The following SHANK2 variants were observed in gnomAD, a reference collection of about 807,000 sequenced individuals.
The protein encoded by SHANK2 is SH3 and multiple ankyrin repeat domains protein 2.
A neutral mutation model predicts 133.7 loss-of-function variants in SHANK2; 43 were observed. That is an observed-to-expected ratio of 0.32 (90% CI 0.25 to 0.41). The LOEUF is 0.41. SHANK2 is among the 10% of genes least tolerant of loss of function. The pLI, the probability that SHANK2 is intolerant of heterozygous loss-of-function variation, is 1.00. For missense variants in SHANK2, 1,994 were observed against 2,235.8 expected (o/e 0.89, Z 2.18); for synonymous variants, 1,017 against 952.8 (o/e 1.07, Z -1.24).
At chr11:70,638,248 G>A (rs1157179880) in intron 17 of SHANK2, among the ~76,000 whole-genome samples, 1 of 152,262 alleles carries the variant, frequency 6.6e-6, no homozygotes, top group African/African-American at 2.4e-5. Flanking sequence ...CCGGCTTGAA[G>A]AATGTGCTGC....
rs576248513 is a variant in SHANK2, at chr11:70,929,661, C to A, written c.1108-33094G>T. ...CCCTCTGCCTTCCTCTTATAAGGAC[C>A]CTTGTGATAACATGGGCCTGACTCA... On this transcript the variant is annotated intron_variant, in intron 10 of 25. Transcript: ENST00000601538. 5.3e-5 allele frequency among the ~76,000 whole-genome samples: 8 copies of A among 152,248 alleles called. No homozygotes were observed. In the East Asian group the frequency reaches 1.5e-3, roughly 29 times the overall value.
chr11:70,547,423 G>A (rs1463977991), intron 17 of SHANK2, among the ~76,000 whole-genome samples: 1 of 152,084 alleles, frequency 6.6e-6, no homozygotes, highest in Non-Finnish European at 1.5e-5. Flanking sequence ...ACCACACCTG[G>A]CTAATTTTTG....
chr11:70,881,421 A>C (rs1949657664), intron 11 of SHANK2, among the ~76,000 whole-genome samples: 1 of 151,926 alleles, frequency 6.6e-6, no homozygotes, highest in African/African-American at 2.4e-5. Context: ...ATCTTAAAAC[A>C]ATGGCTAATG....
chr11:70,934,239 A>C (rs542170883), intron 10 of SHANK2, among the ~76,000 whole-genome samples: 1,708 of 109,130 alleles, frequency 0.016, 31 homozygotes, highest in African/African-American at 0.04. Flanking sequence ...CTCAACAACA[A>C]CACCACCAAA....
At chr11:71,229,298 A>G (rs1954696983) in intron 1 of SHANK2, among the ~76,000 whole-genome samples, 1 of 152,242 alleles carries the variant, frequency 6.6e-6, no homozygotes, top group East Asian at 1.9e-4. Context: ...CTATTTGCAC[A>G]CAGCATGAAA....
At chr11:70,632,294 T>C (rs1266947421) in intron 17 of SHANK2, among the ~76,000 whole-genome samples, 1 of 152,006 alleles carries the variant, frequency 6.6e-6, no homozygotes, top group Non-Finnish European at 1.5e-5. Flanking sequence ...GCTAATTTTT[T>C]TTTTGTATTT....
chr11:71,091,636 C>CCTGCA (rs1233025504), intron 8 of SHANK2, among the ~76,000 whole-genome samples: 5 of 152,176 alleles, frequency 3.3e-5, no homozygotes, highest in African/African-American at 9.6e-5. Flanking sequence ...TGGCCTGCAG[C>CCTGCA]CTGCACCACA....
intron 3 of SHANK2, among the ~76,000 whole-genome samples, chr11:71,144,088 G>T (rs58093994): frequency 0.22 from 33,447 of 152,094 alleles, 3,943 homozygotes; most frequent in South Asian, 0.3. Context: ...CAGTGACCCC[G>T]GCAAGAGAGA....
chr11:70,903,391 TAAATA>T (rs61298155), intron 10 of SHANK2, among the ~76,000 whole-genome samples: 50,519 of 125,462 alleles, frequency 0.4, 11,390 homozygotes, highest in Admixed American at 0.5. Context: ...TAAAATAAAG[TAAATA>T]AAATAAAATA....
intron 17 of SHANK2, 57 bp downstream of exon 17, chr11:70,659,771 C>A: frequency 6.2e-7 from 1 of 1,611,736 alleles, no homozygotes; most frequent in Middle Eastern, 1.7e-4. Context: ...CTACGACCCT[C>A]TCCCCGAGAG....
intron 17 of SHANK2, among the ~76,000 whole-genome samples, chr11:70,552,758 G>A (rs77733846): frequency 0.025 from 3,831 of 152,202 alleles, 157 homozygotes; most frequent in African/African-American, 0.088. Context: ...GCATCGGGAC[G>A]TTTTCCTTAC....
rs531436666 is a variant in SHANK2 at position 70,827,848 on chromosome 11, G to A, written c.1175-7166C>T. 1.1e-4 allele frequency among the ~76,000 whole-genome samples: 16 copies of A among 152,140 alleles called. 1 individual carries two copies. In the South Asian group the frequency reaches 3.3e-3, roughly 32 times the overall value. On this transcript the variant is annotated intron_variant, in intron 11 of 25. Transcript: ENST00000601538. ...CGGTGTGAGAACAAGAAGGCTGGGG[G>A]CCCCCCAGGAGCCTTTCCCTGAAGG... is the stretch of plus-strand genomic sequence containing the variant.
chr11:70,761,493 C>T (rs914438600), intron 14 of SHANK2, among the ~76,000 whole-genome samples: 8 of 152,336 alleles, frequency 5.3e-5, no homozygotes, highest in Admixed American at 1.3e-4. Context: ...ACCATGTCTG[C>T]GTGGGATGAT....
rs1555152619 is a variant in SHANK2, at chr11:70,485,270, A to T, written c.4979+44T>A. The T allele has an allele frequency of 3.3e-6, 5 of 1,526,750 alleles. No individual in the cohort carries two copies. The highest frequency in any genetic ancestry group is 4.5e-6 in the Non-Finnish European group (5 of 1,103,844). The allele number at this position is 1,526,750 out of a possible 1,614,324, so 94.6% of individuals were successfully genotyped here. On this transcript the variant is annotated intron_variant, in intron 25 of 25. Transcript: ENST00000601538. The surrounding 1 kb of genome is among the most constrained non-coding windows in gnomAD (Gnocchi z 5.8). ...AGGGCCTTTCCTGGTCAGCAGGGACAGTGCACGCAGAGCGGTGTGCATGTG... is the reference window on the plus strand; with the variant it reads ...AGGGCCTTTCCTGGTCAGCAGGGACTGTGCACGCAGAGCGGTGTGCATGTG...
chr11:71,206,373 TC>T (rs1954127120), intron 2 of SHANK2, among the ~76,000 whole-genome samples: 1 of 152,090 alleles, frequency 6.6e-6, no homozygotes, highest in Admixed American at 6.5e-5. Flanking sequence ...AGCCAACTCT[TC>T]CCTCTGAAAA....
chr11:71,070,518 C>T (rs1951129135), intron 9 of SHANK2, among the ~76,000 whole-genome samples: 1 of 152,104 alleles, frequency 6.6e-6, no homozygotes, highest in Non-Finnish European at 1.5e-5. Flanking sequence ...TGGGAGAGCT[C>T]TCCATACTAC....
chr11:70,702,553 CCAT>C (rs566894374), intron 14 of SHANK2, among the ~76,000 whole-genome samples: 30 of 152,268 alleles, frequency 2.0e-4, no homozygotes, highest in Non-Finnish European at 2.5e-4. Context: ...GTCATCACCA[CCAT>C]CATCAACCAC....
intron 6 of SHANK2, among the ~76,000 whole-genome samples, chr11:71,104,419 G>T (rs1033108351): frequency 6.6e-6 from 1 of 152,184 alleles, no homozygotes; most frequent in African/African-American, 2.4e-5. Context: ...TCATCCGTGT[G>T]GCCAGGTAGT....
chr11:70,496,640 A>G (rs1386943271), intron 21 of SHANK2, among the ~76,000 whole-genome samples: 2 of 152,220 alleles, frequency 1.3e-5, no homozygotes, highest in African/African-American at 2.4e-5. Context: ...CCCATGTCGA[A>G]GGGAAAACAT....
Sources: allele counts gnomAD v4.1 joint callset (sites outside exome capture counted in the v4.1 genomes callset), GRCh38; gene constraint gnomAD v4.1.1; non-coding constraint Gnocchi (gnomAD v3.1); transcripts MANE v1.5; gene names NCBI Gene and HGNC (gene_info 2026-07-23, HGNC 2026-07-21).